NCMAP: variants seen among roughly 807,000 people sequenced by gnomAD.
NCMAP encodes the protein noncompact myelin-associated protein.
A neutral mutation model predicts 7.8 loss-of-function variants in NCMAP; 8 were observed. The ratio of observed to expected loss-of-function variants is 1.02; its 90% CI spans 0.60 to 1.84. The LOEUF (loss-of-function observed/expected upper bound fraction) is 1.84. Ranked by LOEUF, NCMAP falls within the 40% of genes most tolerant of loss-of-function variation. NCMAP has a pLI of 0.00. For synonymous variants in NCMAP, 41 were observed against 52.9 expected (o/e 0.78, Z 0.98); for missense variants, 112 against 131.4 (o/e 0.85, Z 0.72).
At position 24,578,827 on chromosome 1, in the gene NCMAP, A is replaced by G. The variant is rs552387989; in HGVS notation, c.-7-16597A>G. Among the ~76,000 whole-genome samples, 63 of 152,092 alleles carry G rather than the reference A, an allele frequency of 4.1e-4. No individual in the cohort carries two copies. In the Middle Eastern group the frequency reaches 0.01, roughly 25 times the overall value. On this transcript the variant is annotated intron_variant, in intron 1 of 3. Transcript: ENST00000374392. The stretch of plus-strand genomic sequence containing the variant: ...AGCAATCCTCCTGCCCCAGCCTCCC[A>G]AAGTGCTGGGATTACAGACAAGAGC...
chr1:24,581,436 A>C (rs1651742427), intron 1 of NCMAP, among the ~76,000 whole-genome samples: 1 of 152,168 alleles, frequency 6.6e-6, no homozygotes, highest in Non-Finnish European at 1.5e-5. Flanking sequence ...TTTTGTTTAA[A>C]AGATGTATCC....
intron 2 of NCMAP, 126 bp downstream of exon 2, chr1:24,595,638 G>A (rs10903095): frequency 0.44 from 282,640 of 641,228 alleles, 64,937 homozygotes; most frequent in African/African-American, 0.63. Context: ...GTTCTGCCAC[G>A]TGCCAACTGC....
chr1:24,597,627 GAA>G (rs1271138838), intron 2 of NCMAP, among the ~76,000 whole-genome samples: 16 of 103,634 alleles, frequency 1.5e-4, no homozygotes, highest in African/African-American at 6.7e-4. Flanking sequence ...GAGAAAGAAA[GAA>G]AGAAAGAAAG....
intron 1 of NCMAP, among the ~76,000 whole-genome samples, chr1:24,592,918 G>A (rs1021815266): frequency 2.0e-5 from 3 of 150,676 alleles, no homozygotes; most frequent in Admixed American, 6.6e-5. Context: ...GGTGGCTCAC[G>A]CCTGTAATCC....
At chr1:24,580,739 G>A (rs569898331) in intron 1 of NCMAP, among the ~76,000 whole-genome samples, 10 of 152,276 alleles carry the variant, frequency 6.6e-5, no homozygotes, top group Admixed American at 2.0e-4. Context: ...AATGACAGGC[G>A]TGAGCCACTG....
Position 24,605,686 on chromosome 1 carries a change from G to T in NCMAP, c.248G>T (p.Gly83Val), listed in dbSNP as rs1557605767. 3.1e-6 allele frequency: 5 copies of T among 1,614,158 alleles called. No homozygotes were observed. The highest frequency in any genetic ancestry group is 4.2e-6 in the Non-Finnish European group (5 of 1,180,020). Reference sequence around the variant, plus strand: ...TCTGCCGTGGGCCCAAACAGCAACGGCAGCCAACACCCAGCAACTGTGACC... The same window carrying T: ...TCTGCCGTGGGCCCAAACAGCAACGTCAGCCAACACCCAGCAACTGTGACC... ...APSAVGPNSN[G>V]SQHPATVTFS... The change falls in exon 4 of 4, where the codon GGC becomes GTC. Residue 83 changes from glycine (G) to valine (V), a missense_variant. Physicochemically the swap from Gly to Val is moderately radical, Grantham distance 109. Coordinates refer to ENST00000374392, the MANE Select transcript of NCMAP (RefSeq NM_001010980.5).
At chr1:24,586,176 A>G (rs1651874070) in intron 1 of NCMAP, among the ~76,000 whole-genome samples, 1 of 152,178 alleles carries the variant, frequency 6.6e-6, no homozygotes, top group African/African-American at 2.4e-5. Context: ...GTGATGAGGC[A>G]AAGATGAAAA....
chr1:24,556,408 T>TGGA (rs1295704162), intron 1 of NCMAP, among the ~76,000 whole-genome samples: 4 of 152,158 alleles, frequency 2.6e-5, no homozygotes, highest in Non-Finnish European at 4.4e-5. Flanking sequence ...CAGTGGGTCT[T>TGGA]GGAGACGAGG....
chr1:24,572,307 C>G (rs1257359015), intron 1 of NCMAP, among the ~76,000 whole-genome samples: 3 of 150,682 alleles, frequency 2.0e-5, no homozygotes, highest in Non-Finnish European at 4.4e-5. Flanking sequence ...GGCTCCGTAT[C>G]CCCAAGAAGG....
intron 1 of NCMAP, among the ~76,000 whole-genome samples, chr1:24,587,237 C>T (rs1352748987): frequency 6.6e-6 from 1 of 152,110 alleles, no homozygotes; most frequent in Non-Finnish European, 1.5e-5. Flanking sequence ...TGAGGGACAC[C>T]ATCACCCGAA....
intron 1 of NCMAP, among the ~76,000 whole-genome samples, chr1:24,564,438 G>A (rs537377998): frequency 1.4e-4 from 20 of 146,564 alleles, no homozygotes; most frequent in South Asian, 4.3e-4. Context: ...ACTTGAACCC[G>A]GGAGACTGGA....
At chr1:24,572,627 C>T (rs560853545) in intron 1 of NCMAP, among the ~76,000 whole-genome samples, 1 of 150,784 alleles carries the variant, frequency 6.6e-6, no homozygotes, top group Non-Finnish European at 1.5e-5. Context: ...CTCCCCACTG[C>T]TCAGCCCCCT....
At chr1:24,556,655 G>A (rs1372897122) in intron 1 of NCMAP, among the ~76,000 whole-genome samples, 3 of 152,256 alleles carry the variant, frequency 2.0e-5, no homozygotes, top group Admixed American at 6.5e-5. Context: ...GCCCAGGGCC[G>A]TAGTTTCCAT....
intron 1 of NCMAP, among the ~76,000 whole-genome samples, chr1:24,566,485 T>C (rs1373291676): frequency 1.3e-5 from 2 of 152,034 alleles, no homozygotes; most frequent in Non-Finnish European, 2.9e-5. Context: ...AGACAGGAAA[T>C]TGCTCATTCT....
intron 1 of NCMAP, among the ~76,000 whole-genome samples, chr1:24,583,816 G>A (rs1000738096): frequency 1.3e-5 from 2 of 151,856 alleles, no homozygotes; most frequent in African/African-American, 2.4e-5. Context: ...CTTACCTCCC[G>A]GGGACCAGGA....
chr1:24,594,002 C>T (rs899874447), intron 1 of NCMAP, among the ~76,000 whole-genome samples: 2 of 152,074 alleles, frequency 1.3e-5, no homozygotes, highest in Non-Finnish European at 2.9e-5. Context: ...AGTGATCCTC[C>T]TGCCTCAGCC....
At chr1:24,567,444 A>G (rs932756207) in intron 1 of NCMAP, among the ~76,000 whole-genome samples, 2 of 152,164 alleles carry the variant, frequency 1.3e-5, no homozygotes, top group African/African-American at 4.8e-5. Context: ...TGACATTATC[A>G]GCACCCACTA....
At chr1:24,605,290 C>T (rs1339579956) in intron 3 of NCMAP, among the ~76,000 whole-genome samples, 1 of 152,116 alleles carries the variant, frequency 6.6e-6, no homozygotes, top group Non-Finnish European at 1.5e-5. Flanking sequence ...AAATGTAATA[C>T]ATGCTACAAC....
rs775435956 is a variant in NCMAP at position 24,600,889 on chromosome 1, G to T, written c.83-51G>T. On this transcript the variant is annotated intron_variant, in intron 2 of 3. Transcript: ENST00000374392. The stretch of plus-strand genomic sequence containing the variant: ...GGTGCCACAGCAGGGCGCCCTCCTG[G>T]TCTGCGTTCAGTTTGCACATTCACG... 3.2e-6 allele frequency: 5 copies of T among 1,555,870 alleles called. No homozygotes were observed. The South Asian group carries it at 4.4e-5, about 14-fold the overall frequency.
Sources: gnomAD v4.1 joint callset for allele counts (sites outside exome capture counted in the v4.1 genomes callset) on GRCh38, gnomAD v4.1.1 for gene constraint, MANE v1.5 for transcripts, NCBI Gene and HGNC (gene_info 2026-07-23, HGNC 2026-07-21) for gene names.